Variants in RAPGEF4 observed in about 807,000 individuals in gnomAD.
RAPGEF4 encodes RAP guanine-nucleotide-exchange factor (GEF) 4.
A neutral mutation model predicts 147.9 loss-of-function variants in RAPGEF4; 66 were observed. The ratio of observed to expected loss-of-function variants is 0.45; its 90% CI spans 0.37 to 0.55. The LOEUF is 0.55. RAPGEF4 is among the 20% of genes least tolerant of loss of function. The pLI is 0.00. For missense variants in RAPGEF4, 1,071 were observed against 1,257.3 expected, an observed-to-expected ratio of 0.85 and a Z score of 2.24; for synonymous variants, 419 against 442.7, an observed-to-expected ratio of 0.95 and a Z score of 0.67.
In RAPGEF4 at chr2:172,849,602, AC is replaced by A. The variant is rs1427055915; in HGVS notation, c.444+35178del. 3.9e-5 allele frequency among the ~76,000 whole-genome samples: 6 copies of A among 152,338 alleles called. No homozygotes were observed. The East Asian group carries it at 1.2e-3, about 29-fold the overall frequency. On this transcript the variant is annotated intron_variant, in intron 4 of 30. Transcript: ENST00000397081. ...CCTTGTTTAGCCTGCATCCTAATTT[AC>A]TATCTTTGTACACGAAGGCACAGCC...
At chr2:172,901,256 A>G (rs1699031800) in intron 4 of RAPGEF4, among the ~76,000 whole-genome samples, 1 of 152,234 alleles carries the variant, frequency 6.6e-6, no homozygotes, top group South Asian at 2.1e-4. Context: ...TGGGCACTCT[A>G]TTCCTCTGTA....
chr2:172,864,955 T>C (rs1463387972), intron 4 of RAPGEF4, among the ~76,000 whole-genome samples: 20 of 152,216 alleles, frequency 1.3e-4, no homozygotes, highest in Admixed American at 1.3e-3. Flanking sequence ...GAGTGACTCC[T>C]GTGCTTCGGA....
chr2:172,814,255 T>A, intron 3 of RAPGEF4, 24 bp from the exon 4 acceptor site: 1 of 1,612,488 alleles, frequency 6.2e-7, no homozygotes, highest in Non-Finnish European at 8.5e-7. Flanking sequence ...AATTTTCTAA[T>A]GACTAGTTTT....
In RAPGEF4 at chr2:172,996,478, G is replaced by A. The variant is rs1693375601; in HGVS notation, c.1503G>A (p.Met501Ile). 5 of 1,572,378 alleles carry A rather than the reference G, an allele frequency of 3.2e-6. No individual in the cohort carries two copies. Among genetic ancestry groups the A allele is most frequent in the Non-Finnish European group, 4.3e-6 (5 of 1,164,316 alleles). ...NSQPQQKYTV[M>I]SGTPEKILEH... is the part of the protein sequence containing the mutation. ...GTTTCTTATCCAGGTATACTGTGAT[G>A]TCAGGAACACCTGAAAAAATTTTAG... Residue 501 changes from methionine (M) to isoleucine (I), a missense_variant, in exon 16 of 31, where the codon ATG (methionine) becomes ATA (isoleucine). Physicochemically the swap from Met to Ile is conservative, Grantham distance 10. Coordinates refer to ENST00000397081, the MANE Select transcript of RAPGEF4 (RefSeq NM_007023.4).
intron 4 of RAPGEF4, among the ~76,000 whole-genome samples, chr2:172,902,434 C>A (rs1200192235): frequency 1.3e-5 from 2 of 152,104 alleles, no homozygotes; most frequent in African/African-American, 4.8e-5. Context: ...TCCTGAGTAG[C>A]TGGGACTACA....
intron 29 of RAPGEF4, among the ~76,000 whole-genome samples, chr2:173,037,472 G>T (rs75512484): frequency 1.3e-5 from 2 of 152,172 alleles, no homozygotes; most frequent in African/African-American, 2.4e-5. Flanking sequence ...CTCCTAGCGG[G>T]GGGGAAAGCA....
chr2:172,885,245 C>T (rs1352448065), intron 4 of RAPGEF4, among the ~76,000 whole-genome samples: 1 of 152,200 alleles, frequency 6.6e-6, no homozygotes, highest in Non-Finnish European at 1.5e-5. Context: ...AGGACAGAGC[C>T]CCAGTTGCCC....
chr2:172,965,451 C>T (rs924583684), intron 8 of RAPGEF4, 111 bp from the exon 9 acceptor site: 38 of 1,257,204 alleles, frequency 3.0e-5, no homozygotes, highest in Middle Eastern at 2.6e-4. Context: ...GAGACCTCTT[C>T]TGGTAGGAGA....
At chr2:172,742,346 G>A (rs752235940) in intron 1 of RAPGEF4, among the ~76,000 whole-genome samples, 9 of 152,042 alleles carry the variant, frequency 5.9e-5, no homozygotes, top group Admixed American at 1.3e-4. Flanking sequence ...TTTCTTCCTT[G>A]TAATACATTT....
chr2:172,796,589 A>G (rs147736788), intron 2 of RAPGEF4, among the ~76,000 whole-genome samples: 15 of 152,230 alleles, frequency 9.9e-5, no homozygotes, highest in African/African-American at 3.4e-4. Context: ...TGGTGCAATC[A>G]TGACTCACTA....
At chr2:172,962,428 G>T (rs1302135166) in intron 8 of RAPGEF4, among the ~76,000 whole-genome samples, 1 of 152,050 alleles carries the variant, frequency 6.6e-6, no homozygotes, top group Non-Finnish European at 1.5e-5. Context: ...CAAAGGTTCT[G>T]GTTCAGGAAT....
intron 4 of RAPGEF4, among the ~76,000 whole-genome samples, chr2:172,849,783 T>TC (rs1322191104): frequency 6.6e-6 from 1 of 152,250 alleles, no homozygotes; most frequent in Non-Finnish European, 1.5e-5. Context: ...TTTTCTGGAC[T>TC]CCAGTTTCCT....
At chr2:172,897,707 G>A (rs1028418664) in intron 4 of RAPGEF4, among the ~76,000 whole-genome samples, 2 of 64,162 alleles carry the variant, frequency 3.1e-5, no homozygotes, top group Admixed American at 3.1e-4. Flanking sequence ...CAGACTCTAG[G>A]ATGCTTTTGA....
chr2:172,856,004 G>T (rs942031013), intron 4 of RAPGEF4, among the ~76,000 whole-genome samples: 4 of 151,708 alleles, frequency 2.6e-5, no homozygotes, highest in African/African-American at 9.7e-5. Flanking sequence ...AGTTTATATC[G>T]TTTTTTAACC....
At chr2:172,915,463 G>T (rs1683961881) in intron 4 of RAPGEF4, among the ~76,000 whole-genome samples, 1 of 151,954 alleles carries the variant, frequency 6.6e-6, no homozygotes, top group Admixed American at 6.6e-5. Context: ...CACTTTGGGA[G>T]GCCGAGGCGG....
chr2:172,801,890 C>A (rs1317291783), intron 3 of RAPGEF4, among the ~76,000 whole-genome samples: 1 of 152,228 alleles, frequency 6.6e-6, no homozygotes, highest in East Asian at 1.9e-4. Context: ...TCTAAGCCCA[C>A]TGCCCAGGTG....
intron 1 of RAPGEF4, among the ~76,000 whole-genome samples, chr2:172,771,791 C>A (rs1574780199): frequency 6.6e-6 from 1 of 152,174 alleles, no homozygotes; most frequent in East Asian, 1.9e-4. Flanking sequence ...TGTGCATCTG[C>A]AAGTAAGTAA....
At chr2:172,985,522 C>G in intron 12 of RAPGEF4, 29 bp downstream of exon 12, 1 of 1,606,460 alleles carries the variant, frequency 6.2e-7, no homozygotes, top group Non-Finnish European at 8.5e-7. Flanking sequence ...TGGAACCTTG[C>G]GCCTGGCCAG....
chr2:172,766,380 C>T (rs1393551878), intron 1 of RAPGEF4, among the ~76,000 whole-genome samples: 1 of 152,092 alleles, frequency 6.6e-6, no homozygotes, highest in Non-Finnish European at 1.5e-5. Flanking sequence ...AGCGAAACCC[C>T]GTCTCTACTA....
Sources: gnomAD v4.1 joint callset for allele counts (sites outside exome capture counted in the v4.1 genomes callset) on GRCh38, gnomAD v4.1.1 for gene constraint, MANE v1.5 for transcripts, NCBI Gene and HGNC (gene_info 2026-07-23, HGNC 2026-07-21) for gene names.